Variants in SLC16A2 observed in about 807,000 individuals in gnomAD.
SLC16A2 encodes the protein solute carrier family 16 member 2, also known as monocarboxylate transporter 8.
SLC16A2 carries 3 observed loss-of-function variants against 27.2 expected under a neutral mutation model. The observed-to-expected ratio is 0.11, with a 90% CI of 0.05 to 0.28. The LOEUF (loss-of-function observed/expected upper bound fraction) is 0.28. Among genes scored for constraint, SLC16A2 ranks in the 10% least tolerant of loss-of-function variants. SLC16A2 has a pLI of 1.00. For synonymous variants in SLC16A2, 202 were observed against 187.8 expected, an observed-to-expected ratio of 1.08 and a Z score of -0.62; for missense variants, 295 against 458.5, an observed-to-expected ratio of 0.64 and a Z score of 3.26.
At chrX:74,427,799 G>C (rs971335429) in intron 1 of SLC16A2, among the ~76,000 whole-genome samples, 4 of 81,481 alleles carry the variant, frequency 4.9e-5, no homozygotes, top group Non-Finnish European at 9.4e-5. Flanking sequence ...ATGCGCACGC[G>C]TGCACGCGCG....
rs759163997 is a variant in SLC16A2 at position 74,457,743 on chromosome X, C to G, written c.430+35676C>G. Among the ~76,000 whole-genome samples the G allele has an allele frequency of 1.0e-4, 11 of 110,351 alleles. No homozygotes were observed. In the East Asian group the frequency reaches 3.1e-3, roughly 31 times the overall value. On this transcript the variant is annotated intron_variant, in intron 1 of 5. Transcript: ENST00000587091. ...AGGGGCTTGTACTGAGTATCTAGAA[C>G]CACCCGCCAGCCTCCATTCCATCTA...
At chrX:74,474,291 T>C (rs1032471484) in intron 1 of SLC16A2, among the ~76,000 whole-genome samples, 5 of 111,906 alleles carry the variant, frequency 4.5e-5, no homozygotes, top group African/African-American at 1.3e-4. Context: ...CTCCTTTTGT[T>C]AAATTTATTC....
At chrX:74,509,737 TG>T (rs1187683567) in intron 1 of SLC16A2, among the ~76,000 whole-genome samples, 1 of 111,477 alleles carries the variant, frequency 9.0e-6, no homozygotes, top group Non-Finnish European at 1.9e-5. Flanking sequence ...CTAATTTTTT[TG>T]TATTTTTTTA....
chrX:74,523,509 A>G (rs1380063314), intron 2 of SLC16A2, among the ~76,000 whole-genome samples: 1 of 112,022 alleles, frequency 8.9e-6, no homozygotes, highest in African/African-American at 3.2e-5. Flanking sequence ...GGCCAAGCTG[A>G]CCTTCCTATT....
intron 2 of SLC16A2, among the ~76,000 whole-genome samples, chrX:74,522,559 C>G (rs1930423791): frequency 8.9e-6 from 1 of 111,997 alleles, no homozygotes; most frequent in African/African-American, 3.2e-5. Context: ...AAAAGCAGCT[C>G]CAGTCTCAGC....
At chrX:74,444,093 T>G (rs961045523) in intron 1 of SLC16A2, among the ~76,000 whole-genome samples, 3 of 111,497 alleles carry the variant, frequency 2.7e-5, no homozygotes, top group Non-Finnish European at 5.6e-5. Context: ...AAGTTGCTTG[T>G]GGAGGCAACA....
At chrX:74,466,011 G>A (rs1312030542) in intron 1 of SLC16A2, among the ~76,000 whole-genome samples, 1 of 111,003 alleles carries the variant, frequency 9.0e-6, no homozygotes, top group African/African-American at 3.3e-5. Flanking sequence ...GAAGAGAAAG[G>A]ACCCAAGAGA....
At chrX:74,461,662 C>T (rs1602116085) in intron 1 of SLC16A2, among the ~76,000 whole-genome samples, 1 of 111,840 alleles carries the variant, frequency 8.9e-6, no homozygotes, top group Admixed American at 9.5e-5. Context: ...TCTTTACCTT[C>T]CTCCTTTGCC....
At position 74,525,657 on chromosome X, in the gene SLC16A2, T is replaced by C; in HGVS notation, c.1027-93T>C. Reference sequence around the variant, plus strand: ...GGGTTTCTGTCCTGCTCCAGGAAAGTAAGCAGTAGGGGATTCTGGATATGC... The same window carrying C: ...GGGTTTCTGTCCTGCTCCAGGAAAGCAAGCAGTAGGGGATTCTGGATATGC... On this transcript the variant is annotated intron_variant, in intron 3 of 5. Transcript: ENST00000587091. 6 of 1,048,334 alleles carry C rather than the reference T, an allele frequency of 5.7e-6. No individual in the cohort carries two copies. In the South Asian group the frequency reaches 7.5e-5, roughly 13 times the overall value. 86.4% of individuals were successfully genotyped at this position (1,048,334 alleles called of 1,213,427 possible).
chrX:74,460,250 T>C (rs1929113198), intron 1 of SLC16A2, among the ~76,000 whole-genome samples: 1 of 111,651 alleles, frequency 9.0e-6, no homozygotes, highest in South Asian at 3.8e-4. Context: ...ATGGCCAAGA[T>C]ACTAAGGTGG....
chrX:74,482,634 AT>A (rs1929641923), intron 1 of SLC16A2, among the ~76,000 whole-genome samples: 2 of 111,595 alleles, frequency 1.8e-5, no homozygotes, highest in African/African-American at 6.5e-5. Context: ...AACACTAGAC[AT>A]TCTTAGTTTA....
At chrX:74,511,460 C>T (rs1017050615) in intron 1 of SLC16A2, among the ~76,000 whole-genome samples, 3 of 112,273 alleles carry the variant, frequency 2.7e-5, no homozygotes, top group Admixed American at 9.4e-5. Context: ...GGATTACAGG[C>T]GTGAGCCACC....
At chrX:74,452,113 C>T (rs920071229) in intron 1 of SLC16A2, among the ~76,000 whole-genome samples, 1 of 112,446 alleles carries the variant, frequency 8.9e-6, no homozygotes, top group African/African-American at 3.2e-5. Flanking sequence ...AGTTGGCAAG[C>T]CCCCAAGGCG....
chrX:74,480,710 C>T (rs1451962387), intron 1 of SLC16A2, among the ~76,000 whole-genome samples: 2 of 112,469 alleles, frequency 1.8e-5, no homozygotes, highest in African/African-American at 6.5e-5. Flanking sequence ...CTTTTCCAAT[C>T]TGGATGCCTT....
chrX:74,489,080 C>T (rs1929776026), intron 1 of SLC16A2, among the ~76,000 whole-genome samples: 1 of 111,162 alleles, frequency 9.0e-6, no homozygotes, highest in African/African-American at 3.3e-5. Context: ...AATTGTTTAC[C>T]TAGATTATAT....
intron 1 of SLC16A2, among the ~76,000 whole-genome samples, chrX:74,478,328 T>C (rs771156469): frequency 1.8e-5 from 2 of 111,700 alleles, no homozygotes; most frequent in East Asian, 5.6e-4. Flanking sequence ...TTTTTTTGTT[T>C]TCCATTTGCT....
intron 1 of SLC16A2, among the ~76,000 whole-genome samples, chrX:74,495,187 T>C (rs1396025067): frequency 9.0e-6 from 1 of 111,668 alleles, no homozygotes; most frequent in Non-Finnish European, 1.9e-5. Flanking sequence ...AGTGAGGGGC[T>C]TTCTGTGTGT....
chrX:74,491,918 A>T (rs1929833725), intron 1 of SLC16A2, among the ~76,000 whole-genome samples: 1 of 112,281 alleles, frequency 8.9e-6, no homozygotes, highest in Non-Finnish European at 1.9e-5. Flanking sequence ...CTCTCTGTTA[A>T]GTCTGTAAAC....
rs1928296320 is a variant in SLC16A2, at chrX:74,421,680, T to C, written c.43T>C (p.Trp15Arg). The C allele has an allele frequency of 8.4e-7, 1 of 1,197,228 alleles. No individual in the cohort carries two copies. The highest frequency in any genetic ancestry group is 1.7e-5 in the African/African-American group (1 of 57,195). ...GGCGAGCGAGGAAGCAAAGGGGCCC[T>C]GGCAGGAGGCAGACCAGGAACAGCA... ...SQASEEAKGP[W>R]QEADQEQQEP... is the part of the protein sequence containing the mutation. Residue 15 changes from tryptophan to arginine, a missense_variant, in exon 1 of 6, where the codon TGG becomes CGG. This residue lies in a region of SLC16A2 where 92 missense variants were observed against 85.1 expected (regional missense o/e 1.08). Coordinates refer to ENST00000587091, the MANE Select transcript of SLC16A2 (RefSeq NM_006517.5).
Sources: gnomAD v4.1 joint callset for allele counts (sites outside exome capture counted in the v4.1 genomes callset) on GRCh38, gnomAD v4.1.1 for gene constraint, gnomAD v4.1.1 regional missense constraint, MANE v1.5 for transcripts, NCBI Gene and HGNC (gene_info 2026-07-23, HGNC 2026-07-21) for gene names.